Variants in FAHD2B observed in about 807,000 individuals in gnomAD.
FAHD2B encodes fumarylacetoacetate hydrolase domain containing 2B.
FAHD2B carries 26 observed loss-of-function variants against 33.7 expected under a neutral mutation model. The ratio of observed to expected loss-of-function variants is 0.77; its 90% CI spans 0.57 to 1.07. The LOEUF is 1.07. Ranked by LOEUF, FAHD2B falls within the 50% of genes least tolerant of loss-of-function variation. The pLI is 0.00. For synonymous variants in FAHD2B, 108 were observed against 150.9 expected (o/e 0.72, Z 2.08); for missense variants, 272 against 388.1 (o/e 0.70, Z 2.51).
At chr2:97,091,791 A>G in intron 2 of FAHD2B, 72 bp downstream of exon 2, 1 of 1,532,174 alleles carries the variant, frequency 6.5e-7, no homozygotes, top group Non-Finnish European at 8.8e-7. Context: ...CTAGGGCTAT[A>G]GCCCAAGGCC....
chr2:97,090,046 C>G (rs893764062), intron 4 of FAHD2B, 63 bp downstream of exon 4: 1 of 1,514,250 alleles, frequency 6.6e-7, no homozygotes, highest in African/African-American at 1.4e-5. Flanking sequence ...AGGCTCAATA[C>G]TGAGCTCAGA....
At chr2:97,083,897 A>C in intron 8 of FAHD2B, 51 bp downstream of exon 8, 1 of 1,614,036 alleles carries the variant, frequency 6.2e-7, no homozygotes, top group Non-Finnish European at 8.5e-7. Flanking sequence ...GTCTGAGCCA[A>C]GCCTGCCAGG....
At chr2:97,093,610 G>A (rs1448532264) in intron 1 of FAHD2B, among the ~76,000 whole-genome samples, 10 of 151,952 alleles carry the variant, frequency 6.6e-5, no homozygotes, top group East Asian at 5.8e-4. Context: ...CAGCAGCTGG[G>A]ACTACAGGCG....
chr2:97,081,996 G>A, downstream of FAHD2B: 1 of 1,502,618 alleles, frequency 6.7e-7, no homozygotes, highest in Non-Finnish European at 9.1e-7. Flanking sequence ...TCCGGGTCCG[G>A]CCAGCCTGTG....
downstream of FAHD2B, chr2:97,081,217 C>T: frequency 1.3e-6 from 2 of 1,485,212 alleles, no homozygotes; most frequent in Non-Finnish European, 1.8e-6. Flanking sequence ...GCTGCTGATG[C>T]ACCTGCTGCC....
intron 1 of FAHD2B, among the ~76,000 whole-genome samples, chr2:97,093,064 G>A (rs1259791558): frequency 1.3e-5 from 2 of 148,646 alleles, no homozygotes; most frequent in East Asian, 2.0e-4. Context: ...CTCTTGTTTT[G>A]TTCTGAATCC....
downstream of FAHD2B, chr2:97,081,379 T>C: frequency 6.4e-7 from 1 of 1,558,660 alleles, no homozygotes; most frequent in Non-Finnish European, 8.6e-7. Context: ...GGTCTTTGGC[T>C]AGGCCCCTGC....
intron 1 of FAHD2B, 132 bp from the exon 2 acceptor site, chr2:97,092,120 C>G (rs2032383216): frequency 6.2e-6 from 1 of 160,330 alleles, no homozygotes; most frequent in South Asian, 2.0e-4. Context: ...AGGGGCTCTA[C>G]CCTTGTCTAG....
chr2:97,084,354 AG>A (rs1480725871), intron 6 of FAHD2B, 77 bp from the exon 7 acceptor site: 1 of 1,560,952 alleles, frequency 6.4e-7, no homozygotes, highest in Non-Finnish European at 8.7e-7. Flanking sequence ...ACACAACTGT[AG>A]GGGCGCTTCG....
downstream of FAHD2B, chr2:97,082,596 C>T: frequency 6.4e-7 from 1 of 1,574,702 alleles, no homozygotes; most frequent in Non-Finnish European, 8.7e-7. Context: ...TCTGTCCAGT[C>T]TGAGTTCTAT....
chr2:97,083,135 T>A (rs964339019), downstream of FAHD2B: 16 of 1,565,210 alleles, frequency 1.0e-5, no homozygotes, highest in African/African-American at 2.0e-4. Context: ...GCATCTTCCA[T>A]GGCCCAGGTT....
downstream of FAHD2B, among the ~76,000 whole-genome samples, chr2:97,080,644 T>A (rs761101496): frequency 1.3e-5 from 2 of 152,108 alleles, no homozygotes; most frequent in African/African-American, 4.8e-5. Flanking sequence ...GGTAGTTTAA[T>A]GGGAATAGCA....
At chr2:97,086,495 C>T (rs2032000319) in intron 4 of FAHD2B, 2 of 421,588 alleles carry the variant, frequency 4.7e-6, no homozygotes, top group East Asian at 4.5e-5. Flanking sequence ...ATACTTTTAA[C>T]AAAGGATAAA....
chr2:97,092,522 T>C (rs1217338490), intron 1 of FAHD2B, among the ~76,000 whole-genome samples: 7 of 152,170 alleles, frequency 4.6e-5, no homozygotes. Context: ...TGCCCAGCAC[T>C]GTGCCTGGTG....
At chr2:97,093,029 G>T (rs2032447501) in intron 1 of FAHD2B, among the ~76,000 whole-genome samples, 1 of 150,966 alleles carries the variant, frequency 6.6e-6, no homozygotes, top group South Asian at 2.1e-4. Flanking sequence ...TGAGTCCAAG[G>T]CTCCACTTAA....
chr2:97,081,582 G>A, downstream of FAHD2B: 1 of 1,514,956 alleles, frequency 6.6e-7, no homozygotes, highest in Admixed American at 2.1e-5. Flanking sequence ...CCCACCCTGA[G>A]TGCCAGCTGC....
chr2:97,093,574 A>G (rs1357084489), intron 1 of FAHD2B, among the ~76,000 whole-genome samples: 1 of 143,956 alleles, frequency 6.9e-6, no homozygotes, highest in South Asian at 2.1e-4. Flanking sequence ...TCCCGGGTTC[A>G]TGCCATTCTC....
chr2:97,093,471 C>CTTTTTT (rs34927915), intron 1 of FAHD2B, among the ~76,000 whole-genome samples: 3 of 92,106 alleles, frequency 3.3e-5, no homozygotes, highest in East Asian at 2.5e-4. Context: ...TGATTTAATT[C>CTTTTTT]TTTTTTTTTT....
At chr2:97,093,442 G>C (rs2032470727) in intron 1 of FAHD2B, among the ~76,000 whole-genome samples, 1 of 149,074 alleles carries the variant, frequency 6.7e-6, no homozygotes, top group Non-Finnish European at 1.5e-5. Context: ...CAACTATTAA[G>C]TGCTCTACCT....
Sources: allele counts gnomAD v4.1 joint callset (sites outside exome capture counted in the v4.1 genomes callset), GRCh38; gene constraint gnomAD v4.1.1; transcripts MANE v1.5; gene names NCBI Gene and HGNC (gene_info 2026-07-23, HGNC 2026-07-21).